NLGN1: variants seen among roughly 807,000 people sequenced by gnomAD.
The protein encoded by NLGN1 is neuroligin 1.
Under a neutral mutation model 65.5 loss-of-function variants are expected in NLGN1, and 12 were observed. The observed-to-expected ratio is 0.18, with a 90% CI of 0.12 to 0.30. The LOEUF (loss-of-function observed/expected upper bound fraction) is 0.30, where lower values mean the gene tolerates loss of function less well. NLGN1 is among the 10% of genes least tolerant of loss of function. The pLI, the probability that NLGN1 is intolerant of heterozygous loss-of-function variation, is 1.00. For missense variants in NLGN1, 750 were observed against 1,007.1 expected (o/e 0.74, Z 3.46); for synonymous variants, 350 against 359.5 (o/e 0.97, Z 0.30).
At chr3:173,830,010 G>GTGTGT (rs76306125) in intron 4 of NLGN1, among the ~76,000 whole-genome samples, 7 of 139,242 alleles carry the variant, frequency 5.0e-5, no homozygotes, top group African/African-American at 1.1e-4. Flanking sequence ...GGTAGTGTGG[G>GTGTGT]GGGGGGAGGG....
rs377226395 is a variant in NLGN1 at position 174,031,429 on chromosome 3, A to G, written c.646+223597A>G. 1.6e-4 allele frequency among the ~76,000 whole-genome samples: 24 copies of G among 152,338 alleles called. No homozygotes were observed. The East Asian group carries it at 2.1e-3, about 13-fold the overall frequency. The stretch of plus-strand genomic sequence containing the variant: ...TCTGTTTGTAAGTGTAAAAATGCCA[A>G]TGATCAACAGATATTTGAGATAAAG... On this transcript the variant is annotated intron_variant, in intron 4 of 6. Transcript: ENST00000457714.
chr3:173,428,572 CT>C (rs1216994484), intron 1 of NLGN1, among the ~76,000 whole-genome samples: 2 of 151,778 alleles, frequency 1.3e-5, no homozygotes, highest in Admixed American at 6.6e-5. Flanking sequence ...ACATTTTGAC[CT>C]TTTTTGTCTC....
chr3:173,853,768 T>G (rs1226338478), intron 4 of NLGN1, among the ~76,000 whole-genome samples: 2 of 152,054 alleles, frequency 1.3e-5, no homozygotes, highest in African/African-American at 4.8e-5. Flanking sequence ...CAGATTTTGC[T>G]CATGATTTTA....
intron 3 of NLGN1, among the ~76,000 whole-genome samples, chr3:173,792,086 A>T (rs753550872): frequency 6.6e-6 from 1 of 152,160 alleles, no homozygotes. Context: ...AAGAGGATCA[A>T]CTCATGTGGA....
rs966258489 is a variant in NLGN1, at chr3:174,156,716, A to G, written c.647-118599A>G. Among the ~76,000 whole-genome samples the G allele has an allele frequency of 2.0e-5, 3 of 151,898 alleles. No homozygotes were observed. The Admixed American group carries it at 2.0e-4, about 10-fold the overall frequency. ...TTGTAGTGTGCAAATCTGAAAAAGT[A>G]TGATATTGATAATATTAACAAAGTC... On this transcript the variant is annotated intron_variant, in intron 4 of 6. Transcript: ENST00000457714.
chr3:173,491,535 A>G (rs1317589105), intron 2 of NLGN1, among the ~76,000 whole-genome samples: 3 of 151,736 alleles, frequency 2.0e-5, no homozygotes, highest in African/African-American at 4.9e-5. Flanking sequence ...ATGGTCATCA[A>G]GGATATTGGT....
intron 4 of NLGN1, among the ~76,000 whole-genome samples, chr3:173,968,305 C>G (rs1359924723): frequency 1.3e-5 from 2 of 152,132 alleles, no homozygotes; most frequent in Admixed American, 1.3e-4. Flanking sequence ...TAATTTTGAA[C>G]TGTTATTTTA....
At chr3:174,186,320 C>T (rs1343910293) in intron 4 of NLGN1, among the ~76,000 whole-genome samples, 2 of 152,030 alleles carry the variant, frequency 1.3e-5, no homozygotes, top group Non-Finnish European at 2.9e-5. Context: ...GTTTCAGCCT[C>T]TTTGACTCTT....
chr3:174,076,898 T>G (rs920699824), intron 4 of NLGN1, among the ~76,000 whole-genome samples: 3 of 152,268 alleles, frequency 2.0e-5, no homozygotes, highest in Admixed American at 1.3e-4. Flanking sequence ...GTATCACCAC[T>G]TGGTTAAAAT....
At chr3:173,986,838 GAACA>G (rs1166520403) in intron 4 of NLGN1, among the ~76,000 whole-genome samples, 1 of 152,144 alleles carries the variant, frequency 6.6e-6, no homozygotes, top group Non-Finnish European at 1.5e-5. Flanking sequence ...GCAGGACAGT[GAACA>G]ATCTTCCTCA....
intron 4 of NLGN1, among the ~76,000 whole-genome samples, chr3:173,958,552 G>A (rs567662550): frequency 2.6e-5 from 4 of 152,150 alleles, no homozygotes; most frequent in Non-Finnish European, 5.9e-5. Context: ...GAATCTGACA[G>A]TCTGGGGTTT....
chr3:173,650,923 T>TG (rs1759062653), intron 3 of NLGN1, among the ~76,000 whole-genome samples: 3 of 150,430 alleles, frequency 2.0e-5, no homozygotes, highest in Non-Finnish European at 4.4e-5. Context: ...CTTGCCTGTT[T>TG]ATTTTTTTTT....
chr3:174,042,415 T>C (rs972279945), intron 4 of NLGN1, among the ~76,000 whole-genome samples: 6 of 152,188 alleles, frequency 3.9e-5, no homozygotes, highest in African/African-American at 1.4e-4. Flanking sequence ...TTGAGATTTA[T>C]TTTTTACCAT....
At chr3:173,449,549 G>T (rs994584427) in intron 2 of NLGN1, among the ~76,000 whole-genome samples, 1 of 152,158 alleles carries the variant, frequency 6.6e-6, no homozygotes, top group Non-Finnish European at 1.5e-5. Flanking sequence ...GTTGATTTGG[G>T]GTGGAGAGTT....
At chr3:173,858,627 A>G (rs1728484115) in intron 4 of NLGN1, among the ~76,000 whole-genome samples, 1 of 152,048 alleles carries the variant, frequency 6.6e-6, no homozygotes. Context: ...CTTTAATATC[A>G]AAAGGAGTCT....
At chr3:173,914,800 T>C (rs1230250029) in intron 4 of NLGN1, 1 of 152,128 alleles carries the variant, frequency 6.6e-6, no homozygotes, top group African/African-American at 2.4e-5. Context: ...ACACTAACAC[T>C]AGGTCAGCTC....
chr3:174,085,892 A>G (rs757325739), intron 4 of NLGN1, among the ~76,000 whole-genome samples: 10 of 151,984 alleles, frequency 6.6e-5, no homozygotes, highest in Non-Finnish European at 1.3e-4. Flanking sequence ...CATTACTTTT[A>G]GTGGCATTAT....
chr3:173,588,779 G>A (rs531920034), intron 2 of NLGN1, among the ~76,000 whole-genome samples: 1 of 152,202 alleles, frequency 6.6e-6, no homozygotes, highest in South Asian at 2.1e-4. Context: ...AACCTTATGG[G>A]CCTTGCAGGC....
At position 173,432,005 on chromosome 3, in the gene NLGN1, C is replaced by T. The variant is rs1717265833; in HGVS notation, c.-389-3005C>T. Among the ~76,000 whole-genome samples, 5 of 152,126 alleles carry T rather than the reference C, an allele frequency of 3.3e-5. No individual in the cohort carries two copies. The South Asian group carries it at 1.0e-3, about 32-fold the overall frequency. On this transcript the variant is annotated intron_variant, in intron 1 of 6. Coordinates refer to ENST00000457714, the Ensembl canonical transcript of NLGN1. ...GTGGGTAACAATTTCATATTGAATT[C>T]TTTCACTTAGTAATATGCATGTAAG...
Sources: gnomAD v4.1 joint callset for allele counts (sites outside exome capture counted in the v4.1 genomes callset) on GRCh38, gnomAD v4.1.1 for gene constraint, MANE v1.5 for transcripts, NCBI Gene and HGNC (gene_info 2026-07-23, HGNC 2026-07-21) for gene names.